VSIG10L2: variants seen among roughly 807,000 people sequenced by gnomAD.
VSIG10L2 encodes the protein V-set and immunoglobulin domain containing 10 like 2.
In VSIG10L2, 56 loss-of-function variants were observed where a neutral mutation model predicts 67.1. The observed-to-expected ratio is 0.83, with a 90% CI of 0.67 to 1.04. The LOEUF is 1.04. Among genes scored for constraint, VSIG10L2 ranks in the 50% least tolerant of loss-of-function variants. The pLI, the probability that VSIG10L2 is intolerant of heterozygous loss-of-function variation, is 0.00. For synonymous variants in VSIG10L2, 360 were observed against 396.6 expected (o/e 0.91, Z 1.10); for missense variants, 843 against 932.8 (o/e 0.90, Z 1.25).
rs1324875370 is a variant in VSIG10L2 at position 125,952,070 on chromosome 11, C to A, written c.1492C>A (p.Leu498Met). The change falls in exon 6 of 12, where the codon CTG becomes ATG. Residue 498 changes from leucine (L) to methionine (M), a missense_variant. Around this residue, in one of 2 missense-constraint regions of VSIG10L2, gnomAD observed 397 missense variants for 384.4 expected, o/e 1.03. Transcript: ENST00000686984. ...CCCTGACCCCCACTGCCACCTCCAG[C>A]TGGGTGAGTAGGGGCTAGCGAGTTT... ...RTPDPHCHLQ[L>M]EAPQLDVAEP... 2.0e-6 allele frequency: 3 copies of A among 1,533,132 alleles called. No homozygotes were observed. In the East Asian group the frequency reaches 7.3e-5, roughly 38 times the overall value. The allele number at this position is 1,533,132 out of a possible 1,614,324, so 95.0% of individuals were successfully genotyped here.
chr11:125,955,596 T>G lies in VSIG10L2; in HGVS notation c.2232-19T>G, dbSNP rs1462712814. 1 of 1,525,838 alleles carries G rather than the reference T, an allele frequency of 6.6e-7. No individual in the cohort carries two copies. The allele number at this position is 1,525,838 out of a possible 1,614,324, so 94.5% of individuals were successfully genotyped here. On this transcript the variant is annotated intron_variant, in intron 10 of 11. Transcript: ENST00000686984. ...GGAAGTGAGTTGCCACTAACTTTAC[T>G]CTCCCACTTCACTCTCAGGGAGCAA...
intron 1 of VSIG10L2, chr11:125,947,342 C>G (rs1945311964): frequency 1.2e-6 from 1 of 805,280 alleles, no homozygotes; most frequent in Middle Eastern, 6.2e-4. Flanking sequence ...GGGCCCTGAC[C>G]CCCTCACCAC....
chr11:125,950,115 G>A lies in VSIG10L2; in HGVS notation c.811G>A (p.Ala271Thr). 8.1e-7 allele frequency: 1 copy of A among 1,232,378 alleles called. No individual in the cohort carries two copies. Among genetic ancestry groups the A allele is most frequent in the South Asian group, 4.1e-5 (1 of 24,328 alleles). The allele number at this position is 1,232,378 out of a possible 1,614,324, so 76.3% of individuals were successfully genotyped here. A position where few individuals can be genotyped will look rare whatever the true frequency, so the allele number is the denominator to read the frequency against. ...REEVTLSCLA[A>T]SNPPSHYVWL... ...AGAGGTGACCCTGAGCTGTCTGGCT[G>A]CCTCCAACCCACCTAGTCACTATGT... is the stretch of plus-strand genomic sequence containing the variant. Residue 271 changes from alanine to threonine, a missense_variant, in exon 4 of 12, where the codon GCC (alanine) becomes ACC (threonine). Physicochemically the swap from Ala to Thr is moderately conservative, Grantham distance 58 (BLOSUM62 0). Around this residue, in one of 2 missense-constraint regions of VSIG10L2, gnomAD observed 446 missense variants for 548.4 expected, o/e 0.81. Coordinates refer to ENST00000686984, the MANE Select transcript of VSIG10L2 (RefSeq NM_001365077.2).
At chr11:125,951,780 C>T in intron 5 of VSIG10L2, 33 bp from the exon 6 acceptor site, 1 of 1,449,428 alleles carries the variant, frequency 6.9e-7, no homozygotes, top group Non-Finnish European at 9.1e-7. Context: ...TTCCTCCTTC[C>T]ACAGGGCCAT....
chr11:125,950,946 C>T lies in VSIG10L2; in HGVS notation c.1022C>T (p.Pro341Leu), dbSNP rs754065456. 3 of 1,232,466 alleles carry T rather than the reference C, an allele frequency of 2.4e-6. No individual in the cohort carries two copies. Among genetic ancestry groups the T allele is most frequent in the Non-Finnish European group, 3.0e-6 (3 of 988,206 alleles). The allele number at this position is 1,232,466 out of a possible 1,614,324, so 76.3% of individuals were successfully genotyped here. A position where few individuals can be genotyped will look rare whatever the true frequency, so the allele number is the denominator to read the frequency against. The change falls in exon 5 of 12, where the codon CCC becomes CTC. Residue 341 changes from proline (P) to leucine (L), a missense_variant. Pro to Leu is a moderately conservative substitution (Grantham distance 98, BLOSUM62 -3). Coordinates refer to ENST00000686984, the MANE Select transcript of VSIG10L2 (RefSeq NM_001365077.2). ...GGACAGCCCTCCTGTGCAGTGCATC[C>T]CAGCCCTGAGGCTGTGACCCTGCTC... ...PEGQPSCAVH[P>L]SPEAVTLLCA...
rs569268871 is a variant in VSIG10L2 at position 125,950,994 on chromosome 11, C to T, written c.1070C>T (p.Pro357Leu). 1.7e-5 allele frequency: 21 copies of T among 1,232,378 alleles called. 1 individual carries two copies. The highest frequency in any genetic ancestry group is 1.6e-4 in the South Asian group (4 of 24,318). The allele number at this position is 1,232,378 out of a possible 1,614,324, so 76.3% of individuals were successfully genotyped here. ...TLLCAWPGGL[P>L]PAQLQWEGPQ... ...CTCTGTGCCTGGCCTGGGGGGCTTC[C>T]GCCTGCCCAACTGCAGTGGGAAGGG... The change falls in exon 5 of 12, where the codon CCG becomes CTG. Residue 357 changes from proline to leucine, a missense_variant. Pro to Leu is a moderately conservative substitution (Grantham distance 98). Around this residue, in one of 2 missense-constraint regions of VSIG10L2, gnomAD observed 446 missense variants for 548.4 expected, o/e 0.81. Coordinates refer to ENST00000686984, the MANE Select transcript of VSIG10L2 (RefSeq NM_001365077.2).
In VSIG10L2 at chr11:125,955,169, G is replaced by A; in HGVS notation, c.2196G>A (p.Glu732=). The A allele has an allele frequency of 2.4e-6, 3 of 1,251,082 alleles. No individual in the cohort carries two copies. The highest frequency in any genetic ancestry group is 3.0e-6 in the Non-Finnish European group (3 of 999,464). The allele number at this position is 1,251,082 out of a possible 1,614,324, so 77.5% of individuals were successfully genotyped here. Residue 732 remains glutamate, a synonymous_variant, in exon 9 of 12, where the codon GAG becomes GAA. Transcript: ENST00000686984. ...LVFQYAARHP[E]TFPRLGQLLV... ...TCCAGTATGCTGCCCGGCACCCAGA[G>A]ACTTTCCCCCGTGAGTGGGAATCGG...
At chr11:125,947,450 T>C in intron 1 of VSIG10L2, 2 of 985,332 alleles carry the variant, frequency 2.0e-6, no homozygotes, top group Non-Finnish European at 2.4e-6. Flanking sequence ...TCTGCTCCAG[T>C]CCATTCTCTG....
At chr11:125,948,099 C>T in intron 2 of VSIG10L2, 63 bp downstream of exon 2, 2 of 1,232,286 alleles carry the variant, frequency 1.6e-6, no homozygotes, top group Non-Finnish European at 2.0e-6. Flanking sequence ...TGGAAGTGTG[C>T]TGCCCATTCC....
intron 7 of VSIG10L2, 129 bp downstream of exon 7, chr11:125,953,819 C>T (rs1234204571): frequency 1.6e-5 from 15 of 912,608 alleles, no homozygotes; most frequent in Non-Finnish European, 2.2e-5. Context: ...CTTCCTTGGG[C>T]ATAGGCAGGA....
intron 7 of VSIG10L2, 72 bp from the exon 8 acceptor site, chr11:125,954,015 G>A (rs776602651): frequency 8.3e-7 from 1 of 1,199,736 alleles, no homozygotes; most frequent in Non-Finnish European, 1.0e-6. Context: ...CTTGACAGGA[G>A]CAAATCTGGG....
intron 5 of VSIG10L2, 125 bp from the exon 6 acceptor site, chr11:125,951,688 T>C (rs1027455444): frequency 1.1e-6 from 1 of 952,218 alleles, no homozygotes; most frequent in Non-Finnish European, 1.5e-6. Context: ...AGTGTGTGAA[T>C]GAGTGAGTGA....
rs1368625815 is a variant in VSIG10L2, at chr11:125,952,008, G to A, written c.1430G>A (p.Arg477Lys). ...CAGGCCCAAGAAGATCTGGCTGGCA[G>A]AGAGTTCACCTGCCGGGGCACTCAC... ...LLQAQEDLAG[R>K]EFTCRGTHLL... Residue 477 changes from arginine (R) to lysine (K), a missense_variant, in exon 6 of 12, where the codon AGA becomes AAA. Physicochemically the swap from Arg to Lys is conservative, Grantham distance 26 (BLOSUM62 2). This residue lies in a region of VSIG10L2 where 397 missense variants were observed against 384.4 expected (regional missense o/e 1.03). Coordinates refer to ENST00000686984, the MANE Select transcript of VSIG10L2 (RefSeq NM_001365077.2). 6.5e-7 allele frequency: 1 copy of A among 1,536,030 alleles called. No individual in the cohort carries two copies. Among genetic ancestry groups the A allele is most frequent in the African/African-American group, 1.4e-5 (1 of 73,058 alleles).
At position 125,946,836 on chromosome 11, in the gene VSIG10L2, C is replaced by T. The variant is rs1046574316; in HGVS notation, c.82+699C>T. Reference sequence around the variant, plus strand: ...TACAGGCCTGAGCCACTGAGCCCGGCCCCAGAGACTTACTTTCATGCAAAT... The same window carrying T: ...TACAGGCCTGAGCCACTGAGCCCGGTCCCAGAGACTTACTTTCATGCAAAT... On this transcript the variant is annotated intron_variant, in intron 1 of 11. Transcript: ENST00000686984. This position sits in a 1 kb window ranked among gnomAD's most constrained non-coding sequence, Gnocchi z 4.4. Among the ~76,000 whole-genome samples, 10 of 152,220 alleles carry T rather than the reference C, an allele frequency of 6.6e-5. No homozygotes were observed. The highest frequency in any genetic ancestry group is 2.4e-4 in the African/African-American group (10 of 41,464).
chr11:125,955,642 C>T lies in VSIG10L2; in HGVS notation c.2259C>T (p.Ser753=), dbSNP rs927157715. 1.3e-6 allele frequency: 2 copies of T among 1,532,128 alleles called. No homozygotes were observed. Among genetic ancestry groups the T allele is most frequent in the Middle Eastern group, 1.7e-4 (1 of 5,966 alleles). The allele number at this position is 1,532,128 out of a possible 1,614,324, so 94.9% of individuals were successfully genotyped here. A position where few individuals can be genotyped will look rare whatever the true frequency, so the allele number is the denominator to read the frequency against. ...AGCAAAGGCACCAACAGAGGGGTTC[C>T]AGAGAAGATGCTGAGGCACCGGCAG... ...PTEQRHQQRG[S]REDAEAPAGL... is the part of the protein sequence containing the mutation. Residue 753 remains serine (S), a synonymous_variant, in exon 11 of 12, where the codon TCC becomes TCT. Coordinates refer to ENST00000686984, the MANE Select transcript of VSIG10L2 (RefSeq NM_001365077.2).
intron 5 of VSIG10L2, 129 bp downstream of exon 5, chr11:125,951,287 A>T: frequency 2.3e-6 from 2 of 882,364 alleles, no homozygotes; most frequent in Non-Finnish European, 3.0e-6. Context: ...ACGCCATGTA[A>T]CAAGGAGGTG....
intron 6 of VSIG10L2, among the ~76,000 whole-genome samples, chr11:125,952,953 G>A (rs1476091619): frequency 1.3e-5 from 2 of 152,126 alleles, no homozygotes; most frequent in African/African-American, 4.8e-5. Flanking sequence ...TCCATCGTAG[G>A]AGATTCATTG....
chr11:125,948,576 C>T lies in VSIG10L2; in HGVS notation c.705C>T (p.Val235=), dbSNP rs1182536451. 14 of 1,232,118 alleles carry T rather than the reference C, an allele frequency of 1.1e-5. No homozygotes were observed. The highest frequency in any genetic ancestry group is 9.1e-6 in the Non-Finnish European group (9 of 988,116). 76.3% of individuals were successfully genotyped at this position (1,232,118 alleles called of 1,614,324 possible). The change falls in exon 3 of 12, where the codon GTC becomes GTT. Residue 235 remains valine, a synonymous_variant. Coordinates refer to ENST00000686984, the MANE Select transcript of VSIG10L2 (RefSeq NM_001365077.2). ...RLSSDGAFLD[V]IYGPDKPVIT... The stretch of plus-strand genomic sequence containing the variant: ...GCAGTGACGGGGCCTTCCTGGACGT[C>T]ATTTGTGAGTCAGACTGTGGTGGGG...
chr11:125,952,088 G>C lies in VSIG10L2; in HGVS notation c.1495+15G>C. ...CCTCCAGCTGGGTGAGTAGGGGCTA[G>C]CGAGTTTGTTCTGGGGCTGGGACAG... On this transcript the variant is annotated intron_variant, in intron 6 of 11. Transcript: ENST00000686984. 6.6e-7 allele frequency: 1 copy of C among 1,525,112 alleles called. No homozygotes were observed. Among genetic ancestry groups the C allele is most frequent in the South Asian group, 1.2e-5 (1 of 83,022 alleles). 94.5% of individuals were successfully genotyped at this position (1,525,112 alleles called of 1,614,324 possible). A position where few individuals can be genotyped will look rare whatever the true frequency, so the allele number is the denominator to read the frequency against.
Sources: gnomAD v4.1 joint callset for allele counts (sites outside exome capture counted in the v4.1 genomes callset) on GRCh38, gnomAD v4.1.1 for gene constraint, gnomAD v4.1.1 regional missense constraint, Gnocchi (gnomAD v3.1) non-coding constraint, MANE v1.5 for transcripts, NCBI Gene and HGNC (gene_info 2026-07-23, HGNC 2026-07-21) for gene names.